The following SH3BP5 variants were observed in gnomAD, a reference collection of about 807,000 sequenced individuals.
SH3BP5 encodes the protein SH3 domain-binding protein 5.
Under a neutral mutation model 43.3 loss-of-function variants are expected in SH3BP5, and 22 were observed. The ratio of observed to expected loss-of-function variants is 0.51; its 90% CI spans 0.36 to 0.73. SH3BP5 has a LOEUF of 0.73. SH3BP5 is among the 30% of genes least tolerant of loss of function. The pLI, the probability that SH3BP5 is intolerant of heterozygous loss-of-function variation, is 0.00. For missense variants in SH3BP5, 529 were observed against 586.9 expected (o/e 0.90, Z 1.02); for synonymous variants, 255 against 225.8 (o/e 1.13, Z -1.16).
At chr3:15,309,132 A>T (rs768628551) in intron 2 of SH3BP5, among the ~76,000 whole-genome samples, 9 of 152,218 alleles carry the variant, frequency 5.9e-5, no homozygotes, top group Non-Finnish European at 1.2e-4. Context: ...ATAGTCACTC[A>T]AATGAAAAAA....
chr3:15,326,436 T>G (rs573171842), intron 2 of SH3BP5, among the ~76,000 whole-genome samples: 4 of 152,232 alleles, frequency 2.6e-5, no homozygotes, highest in African/African-American at 9.6e-5. Context: ...TTCAGGTTCA[T>G]CAGACAAAAA....
intron 3 of SH3BP5, among the ~76,000 whole-genome samples, chr3:15,303,004 C>T (rs1383321903): frequency 3.3e-5 from 5 of 152,082 alleles, no homozygotes; most frequent in Admixed American, 2.0e-4. Context: ...AGAGGGGTTT[C>T]AACATGTTGG....
chr3:15,283,426 C>G (rs190834008), intron 3 of SH3BP5, among the ~76,000 whole-genome samples: 1 of 152,102 alleles, frequency 6.6e-6, no homozygotes, highest in African/African-American at 2.4e-5. Context: ...TCTAAGATTG[C>G]CAATGAGGGG....
At chr3:15,291,697 C>T (rs1163397313) in intron 3 of SH3BP5, among the ~76,000 whole-genome samples, 1 of 152,168 alleles carries the variant, frequency 6.6e-6, no homozygotes, top group Non-Finnish European at 1.5e-5. Flanking sequence ...GAGGTTCCCA[C>T]AGCATGATGA....
intron 3 of SH3BP5, among the ~76,000 whole-genome samples, chr3:15,297,451 G>C (rs972741818): frequency 2.6e-5 from 4 of 152,114 alleles, no homozygotes; most frequent in Admixed American, 6.5e-5. Flanking sequence ...ACATTTGATA[G>C]AAAAATACAT....
rs1351928687 is a variant in SH3BP5, at chr3:15,332,355, C to A, written c.54G>T (p.Pro18=). The A allele has an allele frequency of 2.6e-6, 4 of 1,541,536 alleles. No homozygotes were observed. The African/African-American group carries it at 4.1e-5, about 16-fold the overall frequency. The stretch of plus-strand genomic sequence containing the variant: ...CCTCCTCCTCCTCGTCCCGGGCAGG[C>A]GGCAGGATTTCGGCTGGCTCCTCCG... ...SRSEEPAEIL[P]PARDEEEEEE... is the part of the protein sequence containing the mutation. The change falls in exon 1 of 9, where the codon CCG becomes CCT. Residue 18 remains proline, a synonymous_variant. Transcript: ENST00000383791.
At position 15,257,118 on chromosome 3, in the gene SH3BP5, G is replaced by A. The variant is rs574798414; in HGVS notation, c.890-5C>T. On this transcript the variant is annotated splice_region_variant and splice_polypyrimidine_tract_variant and intron_variant, in intron 7 of 8. Transcript: ENST00000383791. ...CTTCAAAGGCCTCCGAGGCCACTAAGTTGAGAGAGAACACCAGTCACATGG... is the reference window on the plus strand; with the variant it reads ...CTTCAAAGGCCTCCGAGGCCACTAAATTGAGAGAGAACACCAGTCACATGG... 1.9e-6 allele frequency: 3 copies of A among 1,612,554 alleles called. No individual in the cohort carries two copies. The highest frequency in any genetic ancestry group is 2.5e-6 in the Non-Finnish European group (3 of 1,178,780).
intron 3 of SH3BP5, among the ~76,000 whole-genome samples, chr3:15,274,530 A>G (rs1696909102): frequency 6.6e-6 from 1 of 151,966 alleles, no homozygotes; most frequent in East Asian, 1.9e-4. Flanking sequence ...ATCTCACTCT[A>G]TCGCCCAGGC....
chr3:15,323,758 AAAG>A (rs1215861797), intron 2 of SH3BP5, among the ~76,000 whole-genome samples: 1 of 152,188 alleles, frequency 6.6e-6, no homozygotes, highest in Non-Finnish European at 1.5e-5. Context: ...ATCCCATTTT[AAAG>A]AAGAAGAAAT....
chr3:15,325,737 T>C (rs186544480), intron 2 of SH3BP5, among the ~76,000 whole-genome samples: 1 of 152,334 alleles, frequency 6.6e-6, no homozygotes, highest in East Asian at 1.9e-4. Flanking sequence ...ATTAAAAAGC[T>C]GGTCAGGCGC....
chr3:15,289,702 C>T (rs1697358710), intron 3 of SH3BP5, among the ~76,000 whole-genome samples: 1 of 152,142 alleles, frequency 6.6e-6, no homozygotes, highest in African/African-American at 2.4e-5. Flanking sequence ...TACCTTCACC[C>T]ATATATTTTC....
intron 3 of SH3BP5, among the ~76,000 whole-genome samples, chr3:15,281,741 G>A (rs1052310287): frequency 1.3e-5 from 2 of 152,172 alleles, no homozygotes; most frequent in Admixed American, 6.5e-5. Flanking sequence ...AGTGGCTCAC[G>A]CCTGTAATCC....
At chr3:15,268,418 G>A (rs6788936) in intron 4 of SH3BP5, among the ~76,000 whole-genome samples, 6 of 151,908 alleles carry the variant, frequency 3.9e-5, no homozygotes, top group Non-Finnish European at 5.9e-5. Flanking sequence ...CCGTACCCGC[G>A]CCGTCCAGGG....
At chr3:15,335,343 A>T (rs968927648), upstream of SH3BP5, among the ~76,000 whole-genome samples, 2 of 152,268 alleles carry the variant, frequency 1.3e-5, no homozygotes, top group Non-Finnish European at 1.5e-5. Flanking sequence ...ATACCACTGC[A>T]TTCCAGCCTG....
chr3:15,304,460 T>C (rs1429058009), intron 2 of SH3BP5, among the ~76,000 whole-genome samples: 1 of 152,268 alleles, frequency 6.6e-6, no homozygotes, highest in Non-Finnish European at 1.5e-5. Context: ...ACCAGCCACG[T>C]GTGGCTACTG....
At chr3:15,332,602 G>A (rs371136376), upstream of SH3BP5, 2 of 1,194,208 alleles carry the variant, frequency 1.7e-6, no homozygotes, top group Non-Finnish European at 1.0e-6. Context: ...GGGCGCGGCC[G>A]CCCCCTTTCT....
intron 4 of SH3BP5, among the ~76,000 whole-genome samples, chr3:15,265,755 CAG>C (rs1437769790): frequency 1.3e-5 from 2 of 151,918 alleles, no homozygotes; most frequent in African/African-American, 2.4e-5. Context: ...GAGAGCGGCT[CAG>C]GGGTAGGTGT....
intron 3 of SH3BP5, among the ~76,000 whole-genome samples, chr3:15,271,942 C>T (rs760537968): frequency 2.6e-5 from 4 of 151,876 alleles, no homozygotes; most frequent in African/African-American, 9.7e-5. Flanking sequence ...CTGCAGCGTC[C>T]CACCACCCTC....
At chr3:15,296,862 T>TA (rs869130338) in intron 3 of SH3BP5, among the ~76,000 whole-genome samples, 1,566 of 123,154 alleles carry the variant, frequency 0.013, 13 homozygotes, top group South Asian at 0.028. Flanking sequence ...TCTGGCTTCT[T>TA]AAAAAAAAAA....
Sources: gnomAD v4.1 joint callset for allele counts (sites outside exome capture counted in the v4.1 genomes callset) on GRCh38, gnomAD v4.1.1 for gene constraint, MANE v1.5 for transcripts, NCBI Gene and HGNC (gene_info 2026-07-23, HGNC 2026-07-21) for gene names.